The following OCLN variants were observed in gnomAD, a reference collection of about 807,000 sequenced individuals.
The protein encoded by OCLN is phosphatase 1, regulatory subunit 115.
OCLN carries 21 observed loss-of-function variants against 47.9 expected under a neutral mutation model. That is an observed-to-expected ratio of 0.44 (90% CI 0.31 to 0.63). OCLN has a LOEUF of 0.63. Among genes scored for constraint, OCLN ranks in the 30% least tolerant of loss-of-function variants. The probability of loss-of-function intolerance (pLI) is 0.08; values close to 1 mark genes in which losing one functional copy is unlikely to be tolerated. For synonymous variants in OCLN, 117 were observed against 198.4 expected, an observed-to-expected ratio of 0.59 and a Z score of 3.45; for missense variants, 360 against 571.0, an observed-to-expected ratio of 0.63 and a Z score of 3.77.
At chr5:69,520,374 C>G (rs768020529) in intron 4 of OCLN, among the ~76,000 whole-genome samples, 2 of 150,980 alleles carry the variant, frequency 1.3e-5, no homozygotes, top group African/African-American at 2.4e-5. Flanking sequence ...TATCTCGGCT[C>G]ACTGCAACCT....
intron 4 of OCLN, among the ~76,000 whole-genome samples, chr5:69,514,645 G>C (rs1356496965): frequency 6.6e-6 from 1 of 152,044 alleles, no homozygotes; most frequent in African/African-American, 2.4e-5. Context: ...AAAGGTCTCT[G>C]GTTTTCCTAT....
intron 3 of OCLN, 120 bp downstream of exon 3, chr5:69,509,939 A>G: frequency 2.5e-6 from 2 of 803,744 alleles, no homozygotes; most frequent in South Asian, 1.4e-5. Flanking sequence ...TCCACTTCTA[A>G]TTAAATCTGG....
In OCLN at chr5:69,493,402, C is replaced by T. The variant is rs542601641; in HGVS notation, c.-69+502C>T. Among the ~76,000 whole-genome samples the T allele has an allele frequency of 1.3e-5, 2 of 152,194 alleles. No homozygotes were observed. Among genetic ancestry groups the T allele is most frequent in the East Asian group, 3.9e-4 (2 of 5,144 alleles). ...GAATTTCATTCCTTCCGCTCCCACC[C>T]CACCCCTTTGGATATCCCGGGGAGA... On this transcript the variant is annotated intron_variant, in intron 1 of 8. Coordinates refer to ENST00000396442, the MANE Select transcript of OCLN (RefSeq NM_001205254.2). This position sits in a 1 kb window ranked among gnomAD's most constrained non-coding sequence, Gnocchi z 5.3.
rs563342967 is a variant in OCLN, at chr5:69,513,962, A to T, written c.744A>T (p.Val248=). ...VVDPQEAIAI[V]LGFMIIVAFA... ...CTCCTTTTTAGGCCATTGCCATTGT[A>T]CTGGGGTTCATGATTATTGTGGCTT... Residue 248 remains valine, a synonymous_variant, in exon 4 of 9, where the codon GTA becomes GTT. Transcript: ENST00000396442. 6.2e-7 allele frequency: 1 copy of T among 1,613,838 alleles called. No homozygotes were observed. The highest frequency in any genetic ancestry group is 1.3e-5 in the African/African-American group (1 of 75,036).
chr5:69,511,144 T>G (rs1768772779), intron 3 of OCLN, among the ~76,000 whole-genome samples: 1 of 151,858 alleles, frequency 6.6e-6, no homozygotes, highest in South Asian at 2.1e-4. Flanking sequence ...GTGTGATCTT[T>G]GCTCACTGTG....
chr5:69,527,586 G>A (rs546652142), intron 4 of OCLN, among the ~76,000 whole-genome samples: 2 of 152,206 alleles, frequency 1.3e-5, no homozygotes, highest in Non-Finnish European at 2.9e-5. Context: ...GGCTGCTGGA[G>A]AAAAAGAGCA....
intron 7 of OCLN, among the ~76,000 whole-genome samples, chr5:69,549,875 C>A (rs1769815534): frequency 6.6e-6 from 1 of 150,846 alleles, no homozygotes; most frequent in Admixed American, 6.6e-5. Context: ...CAGTTGCTTC[C>A]CGTGTCCCTT....
At chr5:69,501,486 C>A (rs1368251481) in intron 1 of OCLN, among the ~76,000 whole-genome samples, 1 of 151,986 alleles carries the variant, frequency 6.6e-6, no homozygotes, top group African/African-American at 2.4e-5. Flanking sequence ...AAAAATTAGC[C>A]AGGCGTGGTG....
rs970136659 is a variant in OCLN, at chr5:69,498,494, C to CA, written c.-69+5608dup. Among the ~76,000 whole-genome samples, 616 of 129,524 alleles carry CA rather than the reference C, an allele frequency of 4.8e-3. 4 individuals are homozygous for CA. Among genetic ancestry groups the CA allele is most frequent in the African/African-American group, 0.012 (433 of 35,030 alleles). 85.0% of individuals were successfully genotyped at this position (129,524 alleles called of 152,430 possible). A position where few individuals can be genotyped will look rare whatever the true frequency, so the allele number is the denominator to read the frequency against. On this transcript the variant is annotated intron_variant, in intron 1 of 8. Coordinates refer to ENST00000396442, the MANE Select transcript of OCLN (RefSeq NM_001205254.2). Reference sequence around the variant, plus strand: ...GGATGACAGAGCAAGACTCCTGTCTCAAAAAAAAAAAAAATCAGTTTACAT... The same window carrying CA: ...GGATGACAGAGCAAGACTCCTGTCTCAAAAAAAAAAAAAAATCAGTTTACAT...
At chr5:69,508,548 C>A (rs2111971246) in intron 2 of OCLN, among the ~76,000 whole-genome samples, 2 of 152,240 alleles carry the variant, frequency 1.3e-5, no homozygotes, top group Admixed American at 1.3e-4. Context: ...ACCATGTTGG[C>A]CAGGCTGGTC....
Position 69,504,354 on chromosome 5 carries a change from G to C in OCLN, c.50+60G>C. On this transcript the variant is annotated intron_variant, in intron 2 of 8. Transcript: ENST00000396442. ...AAAGTCTATCACATGTAAACAATAAGTATGGTTGAAACTTTAAGTGTTTGC... is the reference window on the plus strand; with the variant it reads ...AAAGTCTATCACATGTAAACAATAACTATGGTTGAAACTTTAAGTGTTTGC... 4.0e-6 allele frequency: 4 copies of C among 1,005,260 alleles called. No homozygotes were observed. The Admixed American group carries it at 5.5e-5, about 14-fold the overall frequency. The allele number at this position is 1,005,260 out of a possible 1,614,324, so 62.3% of individuals were successfully genotyped here.
Position 69,496,561 on chromosome 5 carries a change from C to CTTT in OCLN, c.-69+3680_-69+3682dup, listed in dbSNP as rs77543950. On this transcript the variant is annotated intron_variant, in intron 1 of 8. Transcript: ENST00000396442. The stretch of plus-strand genomic sequence containing the variant: ...TCAGACTATTTTTTCTTTTTTTATA[C>CTTT]TTTTTTTTTTTTTTTTTTTTTAAGA... 2.5e-3 allele frequency among the ~76,000 whole-genome samples: 308 copies of CTTT among 122,724 alleles called. 7 individuals carry two copies. In the East Asian group the frequency reaches 0.026, roughly 10 times the overall value. The allele number at this position is 122,724 out of a possible 152,430, so 80.5% of individuals were successfully genotyped here.
At chr5:69,509,110 T>C (rs1276279681) in intron 2 of OCLN, 31 bp from the exon 3 acceptor site, 9 of 1,591,374 alleles carry the variant, frequency 5.7e-6, no homozygotes, top group Non-Finnish European at 6.0e-6. Flanking sequence ...CAAAAAATGC[T>C]AACTTGAAAT....
intron 7 of OCLN, 140 bp downstream of exon 7, chr5:69,548,241 GT>G (rs1258104724): frequency 5.8e-4 from 177 of 303,636 alleles, no homozygotes; most frequent in African/African-American, 3.8e-3. Flanking sequence ...TTGAGATTGG[GT>G]TTTGGATGAA....
intron 3 of OCLN, among the ~76,000 whole-genome samples, chr5:69,511,345 G>T (rs1236663263): frequency 6.6e-6 from 1 of 151,766 alleles, no homozygotes; most frequent in Non-Finnish European, 1.5e-5. Context: ...GGCCTCCAAA[G>T]TGCTGGGATT....
At chr5:69,504,465 A>G (rs574066012) in intron 2 of OCLN, among the ~76,000 whole-genome samples, 171 bp downstream of exon 2, 2 of 152,360 alleles carry the variant, frequency 1.3e-5, no homozygotes, top group East Asian at 3.9e-4. Context: ...CTCAACTTTC[A>G]GAATGACAGT....
In OCLN at chr5:69,509,506, G is replaced by A. The variant is rs776401814; in HGVS notation, c.416G>A (p.Gly139Asp). Residue 139 changes from glycine to aspartate, a missense_variant, in exon 3 of 9, where the codon GGC becomes GAC. By Grantham distance (94) the Gly-to-Asp change is moderately conservative (BLOSUM62 -1). Around this residue, in one of 3 missense-constraint regions of OCLN, gnomAD observed 314 missense variants for 368.1 expected, o/e 0.85. Transcript: ENST00000396442. ...GGYTDPRAAK[G>D]FMLAMAAFCF... ...TATACAGACCCAAGAGCAGCAAAGG[G>A]CTTCATGTTGGCCATGGCTGCCTTT... is the stretch of plus-strand genomic sequence containing the variant. 1.2e-6 allele frequency: 2 copies of A among 1,614,184 alleles called. No individual in the cohort carries two copies. Among genetic ancestry groups the A allele is most frequent in the South Asian group, 1.1e-5 (1 of 91,086 alleles).
chr5:69,523,164 A>G (rs1024351927), intron 4 of OCLN, among the ~76,000 whole-genome samples: 10 of 152,188 alleles, frequency 6.6e-5, no homozygotes, highest in African/African-American at 2.4e-4. Context: ...TTATTATAGT[A>G]TGAGATAAAC....
chr5:69,494,185 TTGTGTG>T (rs71787949), intron 1 of OCLN, among the ~76,000 whole-genome samples: 7 of 151,260 alleles, frequency 4.6e-5, no homozygotes, highest in South Asian at 2.1e-4. Flanking sequence ...TATGAGGTGC[TTGTGTG>T]TGTGTGTGTG....
Sources: allele counts gnomAD v4.1 joint callset (sites outside exome capture counted in the v4.1 genomes callset), GRCh38; gene constraint gnomAD v4.1.1; regional missense constraint gnomAD v4.1.1; non-coding constraint Gnocchi (gnomAD v3.1); transcripts MANE v1.5; gene names NCBI Gene and HGNC (gene_info 2026-07-23, HGNC 2026-07-21).